SCHIP1: variants seen among roughly 807,000 people sequenced by gnomAD.
SCHIP1 encodes schwannomin interacting protein 1.
A neutral mutation model predicts 29.7 loss-of-function variants in SCHIP1; 8 were observed. The ratio of observed to expected loss-of-function variants is 0.27; its 90% CI spans 0.16 to 0.49. The LOEUF is 0.49. Among genes scored for constraint, SCHIP1 ranks in the 20% least tolerant of loss-of-function variants. The pLI is 0.99. For synonymous variants in SCHIP1, 76 were observed against 94.9 expected (o/e 0.80, Z 1.16); for missense variants, 193 against 294.6 (o/e 0.66, Z 2.52).
the SCHIP1 span, among the ~76,000 whole-genome samples, chr3:159,581,171 CTA>C: frequency 6.6e-6 from 1 of 152,090 alleles, no homozygotes; most frequent in Non-Finnish European, 1.5e-5. Context: ...CTATTCCTCT[CTA>C]TAAGTGCAAC....
chr3:159,425,290 G>T, the SCHIP1 span, among the ~76,000 whole-genome samples: 2 of 152,000 alleles, frequency 1.3e-5, no homozygotes, highest in Admixed American at 6.5e-5. Flanking sequence ...CTGTATTCAG[G>T]AAACCCATCT....
At chr3:159,662,906 A>G in the SCHIP1 span, among the ~76,000 whole-genome samples, 2 of 152,222 alleles carry the variant, frequency 1.3e-5, no homozygotes, top group African/African-American at 2.4e-5. Context: ...TGACCTAGAC[A>G]ATAGAATGTT....
chr3:159,681,806 T>C, the SCHIP1 span, among the ~76,000 whole-genome samples: 1 of 152,120 alleles, frequency 6.6e-6, no homozygotes, highest in Admixed American at 6.5e-5. Flanking sequence ...TTAACTTGGG[T>C]TAACTCAACG....
At chr3:159,603,454 C>A in the SCHIP1 span, among the ~76,000 whole-genome samples, 3 of 151,356 alleles carry the variant, frequency 2.0e-5, no homozygotes, top group Non-Finnish European at 2.9e-5. Flanking sequence ...ACTCTCTAAT[C>A]CTGCCTTGTT....
chr3:159,533,495 C>CAAAAA, the SCHIP1 span, among the ~76,000 whole-genome samples: 1 of 152,080 alleles, frequency 6.6e-6, no homozygotes, highest in Admixed American at 6.6e-5. Context: ...TTTCTCACAG[C>CAAAAA]AACCAATGAG....
At chr3:159,840,146 C>T (rs1217574443) in exon 1 of SCHIP1, 1 of 1,534,654 alleles carries the variant, frequency 6.5e-7, no homozygotes, top group Non-Finnish European at 8.7e-7. Flanking sequence ...CCTCGCTCAG[C>T]AGTCCTGCGT....
chr3:159,734,267 T>C, the SCHIP1 span, among the ~76,000 whole-genome samples: 2 of 151,298 alleles, frequency 1.3e-5, no homozygotes, highest in African/African-American at 4.9e-5. Flanking sequence ...CTCAGCCTGC[T>C]GAGTAGCTGG....
At chr3:159,293,726 C>G in the SCHIP1 span, among the ~76,000 whole-genome samples, 1 of 152,028 alleles carries the variant, frequency 6.6e-6, no homozygotes, top group African/African-American at 2.4e-5. Flanking sequence ...AGATTAGCTG[C>G]TGGAGTTTAA....
chr3:159,296,010 T>C, the SCHIP1 span, among the ~76,000 whole-genome samples: 1 of 152,212 alleles, frequency 6.6e-6, no homozygotes, highest in Admixed American at 6.5e-5. Flanking sequence ...GTTCATTTTT[T>C]GCACTAGGAT....
chr3:159,578,972 C>T, the SCHIP1 span, among the ~76,000 whole-genome samples: 3 of 152,054 alleles, frequency 2.0e-5, no homozygotes, highest in Non-Finnish European at 2.9e-5. Flanking sequence ...GACATCTTGG[C>T]GGGGATTTTG....
chr3:159,866,417 G>T, intron 2 of SCHIP1, 136 bp downstream of exon 3: 1 of 764,894 alleles, frequency 1.3e-6, no homozygotes, highest in Non-Finnish European at 2.1e-6. Flanking sequence ...CTTTATTTGG[G>T]TTTTAGACAG....
the SCHIP1 span, among the ~76,000 whole-genome samples, chr3:159,650,410 A>G: frequency 2.0e-5 from 3 of 152,186 alleles, no homozygotes; most frequent in Non-Finnish European, 4.4e-5. Context: ...GAAGTTACGT[A>G]TTCACAAAAT....
chr3:159,345,089 G>C, the SCHIP1 span, among the ~76,000 whole-genome samples: 1 of 151,916 alleles, frequency 6.6e-6, no homozygotes, highest in African/African-American at 2.4e-5. Context: ...TTAGCTGGGC[G>C]TGGTGGTGGG....
chr3:159,848,932 T>G (rs1030984524), intron 1 of SCHIP1, among the ~76,000 whole-genome samples: 1 of 152,134 alleles, frequency 6.6e-6, no homozygotes, highest in Non-Finnish European at 1.5e-5. Context: ...GTGCTGAGCT[T>G]CTTTAGGGAG....
chr3:159,809,954 A>G, the SCHIP1 span, among the ~76,000 whole-genome samples: 4 of 152,356 alleles, frequency 2.6e-5, no homozygotes, highest in South Asian at 8.3e-4. Flanking sequence ...AGATTGCACC[A>G]CTGAGTTCCA....
chr3:159,395,797 T>C, the SCHIP1 span, among the ~76,000 whole-genome samples: 1 of 151,718 alleles, frequency 6.6e-6, no homozygotes, highest in Non-Finnish European at 1.5e-5. Context: ...GTATATTCTG[T>C]TGATTTGAGG....
the SCHIP1 span, among the ~76,000 whole-genome samples, chr3:159,420,698 A>G: frequency 6.6e-6 from 1 of 152,226 alleles, no homozygotes. Flanking sequence ...ATAATTATCA[A>G]CCACTCAGAA....
At chr3:159,579,694 G>T in the SCHIP1 span, among the ~76,000 whole-genome samples, 2 of 152,128 alleles carry the variant, frequency 1.3e-5, no homozygotes, top group Admixed American at 6.6e-5. Context: ...AGCGGACTTT[G>T]ACCTGCATTT....
chr3:159,589,429 T>A, the SCHIP1 span, among the ~76,000 whole-genome samples: 2 of 152,188 alleles, frequency 1.3e-5, no homozygotes, highest in African/African-American at 2.4e-5. Flanking sequence ...TGACTTCCTC[T>A]TTTCCTAACT....
Sources: allele counts gnomAD v4.1 joint callset (sites outside exome capture counted in the v4.1 genomes callset), GRCh38; gene constraint gnomAD v4.1.1; transcripts MANE v1.5; gene names NCBI Gene and HGNC (gene_info 2026-07-23, HGNC 2026-07-21).